RPS6KC1: variants seen among roughly 807,000 people sequenced by gnomAD.
The protein encoded by RPS6KC1 is ribosomal protein S6 kinase C1.
RPS6KC1 carries 54 observed loss-of-function variants against 103.8 expected under a neutral mutation model. The ratio of observed to expected loss-of-function variants is 0.52; its 90% CI spans 0.42 to 0.65. The LOEUF is 0.65. Among genes scored for constraint, RPS6KC1 ranks in the 30% least tolerant of loss-of-function variants. The pLI is 0.00. For synonymous variants in RPS6KC1, 439 were observed against 438.7 expected, an observed-to-expected ratio of 1.00 and a Z score of -0.01; for missense variants, 1,151 against 1,253.8, an observed-to-expected ratio of 0.92 and a Z score of 1.24.
the RPS6KC1 span, among the ~76,000 whole-genome samples, chr1:213,325,205 C>T: frequency 6.7e-4 from 102 of 152,254 alleles, 1 homozygote; most frequent in Admixed American, 1.2e-3. Context: ...TTTGGTTGGG[C>T]CCCGCTTTCT....
At chr1:213,404,262 T>C in the RPS6KC1 span, among the ~76,000 whole-genome samples, 1 of 152,252 alleles carries the variant, frequency 6.6e-6, no homozygotes, top group Admixed American at 6.5e-5. Context: ...TGCTGTTCTG[T>C]TGAAGGAAGT....
chr1:213,661,139 CTT>C, the RPS6KC1 span, among the ~76,000 whole-genome samples: 2 of 152,154 alleles, frequency 1.3e-5, no homozygotes, highest in Non-Finnish European at 2.9e-5. Context: ...AAGCTGCCCC[CTT>C]TTTTTCTACC....
At chr1:213,495,793 A>G in the RPS6KC1 span, among the ~76,000 whole-genome samples, 2 of 152,240 alleles carry the variant, frequency 1.3e-5, no homozygotes, top group Non-Finnish European at 2.9e-5. Context: ...TCCAAAATTA[A>G]GGAATAAATT....
intron 6 of RPS6KC1, among the ~76,000 whole-genome samples, chr1:213,131,836 A>G (rs2085667005): frequency 6.6e-6 from 1 of 152,082 alleles, no homozygotes; most frequent in Non-Finnish European, 1.5e-5. Flanking sequence ...TTGGGTTGGG[A>G]GTTTAAAATG....
intron 6 of RPS6KC1, among the ~76,000 whole-genome samples, chr1:213,157,087 A>G (rs949827373): frequency 1.8e-4 from 28 of 152,142 alleles, no homozygotes; most frequent in African/African-American, 6.8e-4. Context: ...CCATAAATTT[A>G]GATATATTGC....
At chr1:213,591,623 A>G in the RPS6KC1 span, among the ~76,000 whole-genome samples, 26 of 152,218 alleles carry the variant, frequency 1.7e-4, no homozygotes, top group Non-Finnish European at 3.1e-4. Context: ...TCTGGCTCCA[A>G]CTTCTCACTT....
chr1:213,855,323 C>T, the RPS6KC1 span, among the ~76,000 whole-genome samples: 1 of 152,230 alleles, frequency 6.6e-6, no homozygotes, highest in Non-Finnish European at 1.5e-5. Flanking sequence ...TATCATCCGT[C>T]ACTACTGCCA....
chr1:213,733,548 G>GGT, the RPS6KC1 span, among the ~76,000 whole-genome samples: 8 of 142,186 alleles, frequency 5.6e-5, no homozygotes, highest in East Asian at 1.2e-3. Context: ...TTTTTAGTTT[G>GGT]TTTTTTTTTT....
the RPS6KC1 span, among the ~76,000 whole-genome samples, chr1:213,633,874 CAAAAAAAAAAAAAAAAAAAAAAAAAAA>C: frequency 2.4e-4 from 2 of 8,266 alleles, no homozygotes; most frequent in Admixed American, 1.4e-3. Context: ...AAATGGAAAG[CAAAAAAAAAAAAAAAAAAAAAAAAAAA>C]AAAAAAAAAA....
At chr1:213,732,911 T>C in the RPS6KC1 span, among the ~76,000 whole-genome samples, 28 of 152,374 alleles carry the variant, frequency 1.8e-4, no homozygotes, top group African/African-American at 6.7e-4. Context: ...TTTGTCTTCC[T>C]GTGCCTGGCT....
chr1:213,442,780 A>G, the RPS6KC1 span, among the ~76,000 whole-genome samples: 1 of 152,134 alleles, frequency 6.6e-6, no homozygotes, highest in African/African-American at 2.4e-5. Context: ...TGCTCTCTCA[A>G]TAGCCAAATG....
the RPS6KC1 span, among the ~76,000 whole-genome samples, chr1:213,728,965 T>TTTTTTTTTTTTA: frequency 1.6e-3 from 229 of 141,054 alleles, 8 homozygotes; most frequent in African/African-American, 6.2e-3. Flanking sequence ...TTTTTTTTTT[T>TTTTTTTTTTTTA]ACCAGTGGAC....
chr1:213,571,719 T>C, the RPS6KC1 span, among the ~76,000 whole-genome samples: 4,691 of 152,220 alleles, frequency 0.031, 203 homozygotes, highest in African/African-American at 0.1. Flanking sequence ...TTCCTAGACA[T>C]AGGGCAGAGC....
chr1:213,319,688 G>T, the RPS6KC1 span, among the ~76,000 whole-genome samples: 2 of 151,916 alleles, frequency 1.3e-5, no homozygotes, highest in Non-Finnish European at 2.9e-5. Context: ...TGAAAGACAG[G>T]CCTTGCTTGT....
the RPS6KC1 span, among the ~76,000 whole-genome samples, chr1:213,358,591 G>A: frequency 0.55 from 83,799 of 151,992 alleles, 26,684 homozygotes; most frequent in East Asian, 0.93. Context: ...CCAGCTCCTG[G>A]ATTCACTGAT....
At chr1:213,664,193 G>GGGGGGC in the RPS6KC1 span, among the ~76,000 whole-genome samples, 2 of 80,412 alleles carry the variant, frequency 2.5e-5, no homozygotes, top group African/African-American at 7.4e-5. Context: ...AGAAATGAGC[G>GGGGGGC]GGGGGGCGGG....
At chr1:213,055,461 C>A (rs1239188712) in intron 1 of RPS6KC1, among the ~76,000 whole-genome samples, 1 of 152,042 alleles carries the variant, frequency 6.6e-6, no homozygotes. Context: ...GTATATACTG[C>A]ATTTTATCTG....
chr1:213,604,547 TTG>T, the RPS6KC1 span, among the ~76,000 whole-genome samples: 1 of 152,362 alleles, frequency 6.6e-6, no homozygotes, highest in South Asian at 2.1e-4. Context: ...TTTCTGGGAA[TTG>T]TGTCCCTGCT....
At chr1:213,215,865 G>C (rs1205205588) in intron 8 of RPS6KC1, among the ~76,000 whole-genome samples, 1 of 152,144 alleles carries the variant, frequency 6.6e-6, no homozygotes, top group Non-Finnish European at 1.5e-5. Context: ...CCCTAAAAGA[G>C]CTCCTGAAGG....
Sources: gnomAD v4.1 joint callset for allele counts (sites outside exome capture counted in the v4.1 genomes callset) on GRCh38, gnomAD v4.1.1 for gene constraint, MANE v1.5 for transcripts, NCBI Gene and HGNC (gene_info 2026-07-23, HGNC 2026-07-21) for gene names.